The following SLC1A2 variants were observed in gnomAD, a reference collection of about 807,000 sequenced individuals.
The protein encoded by SLC1A2 is solute carrier family 1 member 2, also known as excitatory amino acid transporter 2.
A neutral mutation model predicts 48.8 loss-of-function variants in SLC1A2; 15 were observed. The ratio of observed to expected loss-of-function variants is 0.31; its 90% CI spans 0.21 to 0.47. The LOEUF (loss-of-function observed/expected upper bound fraction) is 0.47. Among genes scored for constraint, SLC1A2 ranks in the 20% least tolerant of loss-of-function variants. The pLI, the probability that SLC1A2 is intolerant of heterozygous loss-of-function variation, is 0.99. For missense variants in SLC1A2, 502 were observed against 730.5 expected (o/e 0.69, Z 3.61); for synonymous variants, 279 against 272.6 (o/e 1.02, Z -0.23).
intron 1 of SLC1A2, among the ~76,000 whole-genome samples, chr11:35,387,448 G>A (rs1455116712): frequency 6.6e-6 from 1 of 152,124 alleles, no homozygotes; most frequent in African/African-American, 2.4e-5. Context: ...CTGTGACCTT[G>A]CTTGCTACAG....
chr11:35,362,067 G>A (rs1290576420), intron 1 of SLC1A2, among the ~76,000 whole-genome samples: 2 of 152,246 alleles, frequency 1.3e-5, no homozygotes, highest in East Asian at 3.8e-4. Context: ...CCAGAGGTTA[G>A]CACAGAGAAT....
intron 9 of SLC1A2, among the ~76,000 whole-genome samples, chr11:35,275,658 G>A (rs1365853010): frequency 6.6e-6 from 1 of 152,186 alleles, no homozygotes; most frequent in Admixed American, 6.5e-5. Context: ...TAATGAGGCT[G>A]GCTGGTCTCC....
chr11:35,266,185 A>T (rs1377384297), intron 9 of SLC1A2, among the ~76,000 whole-genome samples: 1 of 152,178 alleles, frequency 6.6e-6, no homozygotes, highest in Non-Finnish European at 1.5e-5. Flanking sequence ...TGAAGACTCT[A>T]CACTATCTCT....
Position 35,254,556 on chromosome 11 carries a change from A to G in SLC1A2, c.*6338T>C, listed in dbSNP as rs1950287948. 1 of 292,428 alleles carries G rather than the reference A, an allele frequency of 3.4e-6. No individual in the cohort carries two copies. The highest frequency in any genetic ancestry group is 2.2e-5 in the African/African-American group (1 of 44,608). 18.1% of individuals were successfully genotyped at this position (292,428 alleles called of 1,614,324 possible). A position where few individuals can be genotyped will look rare whatever the true frequency, so the allele number is the denominator to read the frequency against. ...CAAAGGCAACAGGCTGTTTCCAGGCAGGCAAAATGGTTGCCATGAGAAGAA... is the reference window on the plus strand; with the variant it reads ...CAAAGGCAACAGGCTGTTTCCAGGCGGGCAAAATGGTTGCCATGAGAAGAA... On this transcript the variant is annotated 3_prime_UTR_variant, in exon 11 of 11. Transcript: ENST00000278379.
At position 35,312,354 on chromosome 11, in the gene SLC1A2, C is replaced by A. The variant is rs774537151; in HGVS notation, c.405G>T (p.Gly135=). 14 of 1,614,018 alleles carry A rather than the reference C, an allele frequency of 8.7e-6. No homozygotes were observed. Among genetic ancestry groups the A allele is most frequent in the Middle Eastern group, 1.6e-4 (1 of 6,084 alleles). The change falls in exon 4 of 11, where the codon GGG becomes GGT. Residue 135 remains glycine, a synonymous_variant. Coordinates refer to ENST00000278379, the MANE Select transcript of SLC1A2 (RefSeq NM_004171.4). ...GATGGATAGCCAAGACCAGAATGAC[C>A]CCCAGTACTGCAGCAATGATGGTCG... ...MSTTIIAAVL[G]VILVLAIHPG...
intron 1 of SLC1A2, among the ~76,000 whole-genome samples, chr11:35,337,669 G>C (rs7926964): frequency 1.3e-5 from 2 of 152,126 alleles, no homozygotes; most frequent in Non-Finnish European, 2.9e-5. Flanking sequence ...GTCCTTTAAG[G>C]TTGCAGAAGA....
At chr11:35,368,857 G>A (rs889057670) in intron 1 of SLC1A2, among the ~76,000 whole-genome samples, 14 of 152,220 alleles carry the variant, frequency 9.2e-5, no homozygotes, top group African/African-American at 2.7e-4. Context: ...TAGGAAAGCA[G>A]ATGAGGACAG....
intron 1 of SLC1A2, among the ~76,000 whole-genome samples, chr11:35,402,927 T>A (rs749306960): frequency 6.6e-6 from 1 of 152,244 alleles, no homozygotes; most frequent in African/African-American, 2.4e-5. Flanking sequence ...CAGGGCCTAC[T>A]TTCTAATCTT....
intron 1 of SLC1A2, among the ~76,000 whole-genome samples, chr11:35,400,441 T>C (rs973721749): frequency 6.6e-6 from 1 of 152,226 alleles, no homozygotes; most frequent in African/African-American, 2.4e-5. Context: ...TGTATTGACA[T>C]GTGTACATGC....
chr11:35,259,878 T>C lies in SLC1A2; in HGVS notation c.*1016A>G, dbSNP rs1196947188. 6.6e-6 allele frequency: 1 copy of C among 152,226 alleles called. No homozygotes were observed. Among genetic ancestry groups the C allele is most frequent in the East Asian group, 1.9e-4 (1 of 5,208 alleles). The allele number at this position is 152,226 out of a possible 1,614,324, so 9.4% of individuals were successfully genotyped here. On this transcript the variant is annotated 3_prime_UTR_variant, in exon 11 of 11. Coordinates refer to ENST00000278379, the MANE Select transcript of SLC1A2 (RefSeq NM_004171.4). ...AAAAGAGGCACAGCCAACACAAGTG[T>C]CTTCCATGTGTGAGGACAGTAAAAT...
At chr11:35,401,913 C>T (rs1855151115) in intron 1 of SLC1A2, among the ~76,000 whole-genome samples, 1 of 152,152 alleles carries the variant, frequency 6.6e-6, no homozygotes, top group South Asian at 2.1e-4. Context: ...GATGCTCCTG[C>T]CTAGTGGCTG....
chr11:35,306,718 TCTATTTTTCCA>T (rs1170686610), intron 4 of SLC1A2, among the ~76,000 whole-genome samples: 3 of 152,198 alleles, frequency 2.0e-5, no homozygotes, highest in Admixed American at 1.3e-4. Flanking sequence ...GCCTCTGTTA[TCTATTTTTCCA>T]CTATTTTTCC....
chr11:35,404,265 C>G (rs1267417363), intron 1 of SLC1A2: 1 of 152,188 alleles, frequency 6.6e-6, no homozygotes, highest in Non-Finnish European at 1.5e-5. Context: ...CAGGGTTGCC[C>G]CATTCACCTT....
intron 1 of SLC1A2, among the ~76,000 whole-genome samples, chr11:35,347,948 G>A: frequency 6.6e-6 from 1 of 152,204 alleles, no homozygotes; most frequent in East Asian, 1.9e-4. Context: ...TGAGCTTCAG[G>A]AATTCAGAAG....
chr11:35,371,783 C>G (rs1201886803), intron 1 of SLC1A2, among the ~76,000 whole-genome samples: 3 of 152,180 alleles, frequency 2.0e-5, no homozygotes, highest in African/African-American at 7.2e-5. Flanking sequence ...AGGCCCCAAC[C>G]AGACCTGCAG....
chr11:35,354,630 C>A (rs1270842200), intron 1 of SLC1A2, among the ~76,000 whole-genome samples: 1 of 152,048 alleles, frequency 6.6e-6, no homozygotes, highest in Non-Finnish European at 1.5e-5. Flanking sequence ...AATCACCCCC[C>A]AAAACAAAGA....
intron 1 of SLC1A2, among the ~76,000 whole-genome samples, chr11:35,324,393 G>T (rs1358556719): frequency 2.0e-5 from 3 of 152,214 alleles, no homozygotes; most frequent in African/African-American, 7.2e-5. Flanking sequence ...TTCTGGCAGT[G>T]GCTGAGACAA....
At chr11:35,272,997 G>A (rs1484970925) in intron 9 of SLC1A2, among the ~76,000 whole-genome samples, 2 of 152,122 alleles carry the variant, frequency 1.3e-5, no homozygotes, top group Non-Finnish European at 2.9e-5. Context: ...AAATCGTCTG[G>A]AACTCCTGGT....
At chr11:35,364,204 C>A (rs1853771641) in intron 1 of SLC1A2, among the ~76,000 whole-genome samples, 1 of 152,214 alleles carries the variant, frequency 6.6e-6, no homozygotes, top group South Asian at 2.1e-4. Context: ...CATTTTATTT[C>A]AATAGCTGAG....
Sources: gnomAD v4.1 joint callset for allele counts (sites outside exome capture counted in the v4.1 genomes callset) on GRCh38, gnomAD v4.1.1 for gene constraint, MANE v1.5 for transcripts, NCBI Gene and HGNC (gene_info 2026-07-23, HGNC 2026-07-21) for gene names.